The following PKN2 variants were observed in gnomAD, a reference collection of about 807,000 sequenced individuals.
PKN2 encodes the protein serine/threonine-protein kinase N2.
A neutral mutation model predicts 119.1 loss-of-function variants in PKN2; 38 were observed. That is an observed-to-expected ratio of 0.32 (90% CI 0.25 to 0.42). The LOEUF is 0.42. PKN2 is among the 10% of genes least tolerant of loss of function. PKN2 has a pLI of 1.00. For synonymous variants in PKN2, 390 were observed against 384.9 expected (o/e 1.01, Z -0.15); for missense variants, 850 against 1,165.1 (o/e 0.73, Z 3.94).
intron 2 of PKN2, among the ~76,000 whole-genome samples, chr1:88,757,158 A>G (rs1669238302): frequency 6.6e-6 from 1 of 152,204 alleles, no homozygotes; most frequent in South Asian, 2.1e-4. Flanking sequence ...CCTGAATTGA[A>G]CTCAGTTAAT....
intron 16 of PKN2, among the ~76,000 whole-genome samples, chr1:88,816,368 TC>T (rs1310422930): frequency 6.6e-6 from 1 of 151,914 alleles, no homozygotes; most frequent in African/African-American, 2.4e-5. Context: ...TGCCTCAGCC[TC>T]CCAAATAGCT....
At chr1:88,719,557 T>C (rs1667586223) in intron 1 of PKN2, among the ~76,000 whole-genome samples, 3 of 152,192 alleles carry the variant, frequency 2.0e-5, no homozygotes, top group Non-Finnish European at 4.4e-5. Context: ...TTTGTAAGTT[T>C]TTCCTCTTAC....
intron 3 of PKN2, among the ~76,000 whole-genome samples, chr1:88,770,147 T>C (rs1413539329): frequency 1.3e-5 from 2 of 152,220 alleles, no homozygotes; most frequent in African/African-American, 4.8e-5. Flanking sequence ...TCTTAACTAA[T>C]GGAGTTGTTT....
chr1:88,750,325 G>A (rs951624327), intron 2 of PKN2, among the ~76,000 whole-genome samples: 12 of 152,184 alleles, frequency 7.9e-5, no homozygotes, highest in Admixed American at 5.9e-4. Context: ...GTAGTCAGAA[G>A]TCCTCTAAGA....
chr1:88,742,998 C>G (rs147875028), intron 2 of PKN2, among the ~76,000 whole-genome samples: 4 of 152,152 alleles, frequency 2.6e-5, no homozygotes, highest in Admixed American at 2.6e-4. Flanking sequence ...CAAGACTAAC[C>G]TGGCCAACAT....
chr1:88,782,270 A>G (rs751898475), intron 6 of PKN2, among the ~76,000 whole-genome samples: 5 of 151,716 alleles, frequency 3.3e-5, no homozygotes, highest in Non-Finnish European at 7.4e-5. Flanking sequence ...GAGAAATTGG[A>G]TTATGGTGTG....
At chr1:88,711,277 A>G (rs1667224583) in intron 1 of PKN2, among the ~76,000 whole-genome samples, 1 of 151,356 alleles carries the variant, frequency 6.6e-6, no homozygotes, top group Non-Finnish European at 1.5e-5. Flanking sequence ...CTGCACTTGT[A>G]CCCTTGAATT....
intron 8 of PKN2, among the ~76,000 whole-genome samples, chr1:88,796,946 C>G (rs1392814952): frequency 6.8e-6 from 1 of 147,408 alleles, no homozygotes; most frequent in Non-Finnish European, 1.5e-5. Flanking sequence ...TTTTTTGCTG[C>G]AGCATACCCA....
chr1:88,772,535 C>G (rs1197742546), intron 6 of PKN2, among the ~76,000 whole-genome samples: 1 of 152,150 alleles, frequency 6.6e-6, no homozygotes, highest in Non-Finnish European at 1.5e-5. Context: ...CCAAGGATTT[C>G]AGATAAGGAA....
chr1:88,690,214 C>T (rs1006910244), intron 1 of PKN2, among the ~76,000 whole-genome samples: 1 of 152,162 alleles, frequency 6.6e-6, no homozygotes, highest in African/African-American at 2.4e-5. Context: ...GCATCTGATT[C>T]CTTGGGCTCT....
At chr1:88,764,004 A>G (rs751282245) in intron 3 of PKN2, among the ~76,000 whole-genome samples, 1 of 152,162 alleles carries the variant, frequency 6.6e-6, no homozygotes, top group African/African-American at 2.4e-5. Context: ...TGCATGTTGT[A>G]ATCAGAGCTG....
chr1:88,787,936 A>G (rs1291569675), intron 8 of PKN2, among the ~76,000 whole-genome samples: 3 of 152,180 alleles, frequency 2.0e-5, no homozygotes, highest in Non-Finnish European at 2.9e-5. Context: ...TGTGCTTTCT[A>G]TTCTTTTATC....
At chr1:88,723,137 A>G (rs565452751) in intron 1 of PKN2, among the ~76,000 whole-genome samples, 345 of 151,996 alleles carry the variant, frequency 2.3e-3, no homozygotes, top group Non-Finnish European at 4.1e-3. Flanking sequence ...CTTTTGAGAC[A>G]GAGTCTGGCT....
chr1:88,806,080 T>C, intron 12 of PKN2, 63 bp downstream of exon 12: 1 of 1,376,952 alleles, frequency 7.3e-7, no homozygotes, highest in Non-Finnish European at 1.0e-6. Flanking sequence ...AAAAGCATCA[T>C]AGTGAATAAG....
intron 6 of PKN2, among the ~76,000 whole-genome samples, chr1:88,779,800 TAC>T (rs1670260817): frequency 6.6e-6 from 1 of 152,232 alleles, no homozygotes; most frequent in African/African-American, 2.4e-5. Context: ...AGGACAAATT[TAC>T]AGTTAAACTT....
At chr1:88,765,864 G>A (rs1236689486) in intron 3 of PKN2, among the ~76,000 whole-genome samples, 1 of 152,168 alleles carries the variant, frequency 6.6e-6, no homozygotes, top group Non-Finnish European at 1.5e-5. Flanking sequence ...CTGGAGTGCA[G>A]TGGTGTAATC....
At chr1:88,823,367 A>T (rs1251884985) in intron 17 of PKN2, among the ~76,000 whole-genome samples, 4 of 152,162 alleles carry the variant, frequency 2.6e-5, no homozygotes, top group African/African-American at 9.7e-5. Context: ...TGTTAACTTT[A>T]CAATTCTTTC....
At chr1:88,722,152 G>A (rs1277520444) in intron 1 of PKN2, among the ~76,000 whole-genome samples, 1 of 152,154 alleles carries the variant, frequency 6.6e-6, no homozygotes, top group African/African-American at 2.4e-5. Flanking sequence ...TCTGTTTCAA[G>A]CACATAAGAT....
chr1:88,830,002 T>C (rs1672668648), intron 19 of PKN2, among the ~76,000 whole-genome samples: 1 of 152,214 alleles, frequency 6.6e-6, no homozygotes, highest in Admixed American at 6.5e-5. Context: ...ATTTATCATG[T>C]GCTAAGCACT....
Sources: allele counts gnomAD v4.1 joint callset (sites outside exome capture counted in the v4.1 genomes callset), GRCh38; gene constraint gnomAD v4.1.1; transcripts MANE v1.5; gene names NCBI Gene and HGNC (gene_info 2026-07-23, HGNC 2026-07-21).